The following EFCAB13 variants were observed in gnomAD, a reference collection of about 807,000 sequenced individuals.
EFCAB13 encodes EF-hand calcium-binding domain-containing protein 13.
Under a neutral mutation model 110.2 loss-of-function variants are expected in EFCAB13, and 91 were observed. The observed-to-expected ratio is 0.83, with a 90% CI of 0.70 to 0.98. The LOEUF (loss-of-function observed/expected upper bound fraction) is 0.98, where lower values mean the gene tolerates loss of function less well. Ranked by LOEUF, EFCAB13 falls within the 50% of genes least tolerant of loss-of-function variation. The probability of loss-of-function intolerance (pLI) is 0.00; values close to 1 mark genes in which losing one functional copy is unlikely to be tolerated. For synonymous variants in EFCAB13, 323 were observed against 369.9 expected, an observed-to-expected ratio of 0.87 and a Z score of 1.45; for missense variants, 968 against 1,119.4, an observed-to-expected ratio of 0.86 and a Z score of 1.93.
intron 10 of EFCAB13, among the ~76,000 whole-genome samples, chr17:47,366,397 G>A (rs1205194278): frequency 1.3e-5 from 2 of 151,966 alleles, no homozygotes; most frequent in African/African-American, 4.8e-5. Flanking sequence ...GTTTTTGCTA[G>A]AGGAGGCTTT....
At chr17:47,384,301 C>T (rs1003394546) in intron 14 of EFCAB13, among the ~76,000 whole-genome samples, 38 of 151,846 alleles carry the variant, frequency 2.5e-4, no homozygotes, top group African/African-American at 8.2e-4. Flanking sequence ...GGCATTTAGC[C>T]CCTTCACATT....
chr17:47,431,572 T>C lies in EFCAB13; in HGVS notation c.2638+1611T>C, dbSNP rs941577014. 6.6e-6 allele frequency among the ~76,000 whole-genome samples: 1 copy of C among 152,114 alleles called. No individual in the cohort carries two copies. The highest frequency in any genetic ancestry group is 2.4e-5 in the African/African-American group (1 of 41,440). The stretch of plus-strand genomic sequence containing the variant: ...GGTATGTTTCTTAATTTCCAAAAAT[T>C]TGAGGTTTTATAGTCATTACATTAT... On this transcript the variant is annotated intron_variant, in intron 24 of 24. Coordinates refer to ENST00000331493, the MANE Select transcript of EFCAB13 (RefSeq NM_152347.5). The surrounding 1 kb of genome is among the most constrained non-coding windows in gnomAD (Gnocchi z 4.1).
chr17:47,396,472 A>G (rs984372923), intron 17 of EFCAB13, among the ~76,000 whole-genome samples: 5 of 152,192 alleles, frequency 3.3e-5, no homozygotes, highest in Non-Finnish European at 7.4e-5. Context: ...TATAACAAAG[A>G]CTATAGACTA....
intron 10 of EFCAB13, among the ~76,000 whole-genome samples, chr17:47,362,043 G>C (rs145872309): frequency 2.0e-5 from 3 of 152,248 alleles, no homozygotes; most frequent in East Asian, 1.9e-4. Flanking sequence ...GTGATTAATT[G>C]ATTGATTCAT....
At chr17:47,405,444 T>C (rs2065800390) in intron 20 of EFCAB13, among the ~76,000 whole-genome samples, 1 of 152,168 alleles carries the variant, frequency 6.6e-6, no homozygotes, top group African/African-American at 2.4e-5. Context: ...GTATTATTTA[T>C]TTAAAATTCT....
At chr17:47,392,196 T>C (rs1057222103) in intron 15 of EFCAB13, among the ~76,000 whole-genome samples, 7 of 152,324 alleles carry the variant, frequency 4.6e-5, no homozygotes, top group Non-Finnish European at 1.0e-4. Flanking sequence ...AAAAGGAATA[T>C]GTCTAAGTTG....
chr17:47,394,210 C>A, intron 16 of EFCAB13, 111 bp downstream of exon 16: 2 of 604,936 alleles, frequency 3.3e-6, no homozygotes, highest in South Asian at 8.7e-5. Flanking sequence ...TCCTGCAGGT[C>A]ATCCGACAAA....
At chr17:47,350,767 G>A (rs2065445110) in intron 9 of EFCAB13, among the ~76,000 whole-genome samples, 1 of 152,048 alleles carries the variant, frequency 6.6e-6, no homozygotes, top group South Asian at 2.1e-4. Context: ...AAATAAAGTG[G>A]TTGGAAAGGG....
Position 47,370,738 on chromosome 17 carries a change from GTTT to G in EFCAB13, c.877+248_877+250del, listed in dbSNP as rs764924546. Reference sequence around the variant, plus strand: ...CAGTTTTTTGTTGTTGTTGTTGTTTGTTTTTTTTTTTTTTTTTTTTGAGGCGGA... The same window carrying G: ...CAGTTTTTTGTTGTTGTTGTTGTTTGTTTTTTTTTTTTTTTTTGAGGCGGA... On this transcript the variant is annotated intron_variant, in intron 11 of 24. Coordinates refer to ENST00000331493, the MANE Select transcript of EFCAB13 (RefSeq NM_152347.5). Among the ~76,000 whole-genome samples, 14 of 127,196 alleles carry G rather than the reference GTTT, an allele frequency of 1.1e-4. No homozygotes were observed. The South Asian group carries it at 1.2e-3, about 11-fold the overall frequency. The allele number at this position is 127,196 out of a possible 152,430, so 83.4% of individuals were successfully genotyped here. A position where few individuals can be genotyped will look rare whatever the true frequency, so the allele number is the denominator to read the frequency against.
intron 9 of EFCAB13, among the ~76,000 whole-genome samples, chr17:47,348,762 T>C (rs1367708870): frequency 6.6e-6 from 1 of 152,102 alleles, no homozygotes; most frequent in African/African-American, 2.4e-5. Context: ...CATTGAAAAA[T>C]TGTGTTCTTA....
At chr17:47,343,647 T>A (rs886541229) in intron 6 of EFCAB13, among the ~76,000 whole-genome samples, 1 of 152,170 alleles carries the variant, frequency 6.6e-6, no homozygotes, top group African/African-American at 2.4e-5. Flanking sequence ...ATTCTTATTT[T>A]TCTAAAGTGC....
At chr17:47,387,645 C>A (rs776442966) in intron 14 of EFCAB13, among the ~76,000 whole-genome samples, 7,577 of 152,230 alleles carry the variant, frequency 0.05, 251 homozygotes, top group East Asian at 0.11. Context: ...ACATTGCTGT[C>A]TTATTAAGGT....
At chr17:47,356,455 C>A (rs767382966) in intron 9 of EFCAB13, among the ~76,000 whole-genome samples, 3 of 152,162 alleles carry the variant, frequency 2.0e-5, no homozygotes, top group Admixed American at 6.5e-5. Flanking sequence ...GGACAAGGGG[C>A]TTCCTGAGAG....
In EFCAB13 at chr17:47,379,233, G is replaced by A. The variant is rs144068587; in HGVS notation, c.1562G>A (p.Arg521Gln). 225 of 1,613,202 alleles carry A rather than the reference G, an allele frequency of 1.4e-4. No homozygotes were observed. The highest frequency in any genetic ancestry group is 1.9e-4 in the Non-Finnish European group (221 of 1,179,468). ...DDFVNALAKE[R>Q]SFPECNALPG... ...TTTGTAAATGCTCTCGCCAAGGAGC[G>A]AAGTTTTCCTGAATGCAATGGTAGG... The change falls in exon 14 of 25, where the codon CGA becomes CAA. Residue 521 changes from arginine (R) to glutamine (Q), a missense_variant. Transcript: ENST00000331493.
At chr17:47,429,774 C>T in intron 23 of EFCAB13, 44 bp from the exon 24 acceptor site, 1 of 1,537,906 alleles carries the variant, frequency 6.5e-7, no homozygotes, top group Non-Finnish European at 8.8e-7. Context: ...AACATATGCT[C>T]TATTTCTGCT....
chr17:47,326,726 G>A (rs546364505), intron 3 of EFCAB13, among the ~76,000 whole-genome samples: 2 of 152,318 alleles, frequency 1.3e-5, no homozygotes, highest in Non-Finnish European at 2.9e-5. Context: ...AGAAGATCTA[G>A]AAGAGATTAC....
At chr17:47,329,246 A>G (rs2065305894) in intron 4 of EFCAB13, among the ~76,000 whole-genome samples, 2 of 152,030 alleles carry the variant, frequency 1.3e-5, no homozygotes, top group South Asian at 2.1e-4. Flanking sequence ...CCTAAGTCAT[A>G]TGGGGAGGAG....
At chr17:47,392,794 T>C (rs1047513186) in intron 15 of EFCAB13, among the ~76,000 whole-genome samples, 6 of 152,194 alleles carry the variant, frequency 3.9e-5, no homozygotes, top group Non-Finnish European at 8.8e-5. Context: ...TTTTCTGACG[T>C]AGGATTTTTT....
intron 18 of EFCAB13, among the ~76,000 whole-genome samples, chr17:47,402,489 T>C (rs2065784350): frequency 6.6e-6 from 1 of 152,230 alleles, no homozygotes. Context: ...TATGAAGTTC[T>C]ATGCCTTCTT....
Sources: gnomAD v4.1 joint callset for allele counts (sites outside exome capture counted in the v4.1 genomes callset) on GRCh38, gnomAD v4.1.1 for gene constraint, Gnocchi (gnomAD v3.1) non-coding constraint, MANE v1.5 for transcripts, NCBI Gene and HGNC (gene_info 2026-07-23, HGNC 2026-07-21) for gene names.